VWF: variants seen among roughly 807,000 people sequenced by gnomAD.
The protein encoded by VWF is Factor VIII related antigen.
VWF carries 176 observed loss-of-function variants against 308.6 expected under a neutral mutation model. The ratio of observed to expected loss-of-function variants is 0.57; its 90% confidence interval spans 0.50 to 0.65. The LOEUF (loss-of-function observed/expected upper bound fraction) is 0.65. Ranked by LOEUF, VWF falls within the 30% of genes least tolerant of loss-of-function variation. The pLI is 0.00. For missense variants in VWF, 3,146 were observed against 3,648.2 expected, an observed-to-expected ratio of 0.86 and a Z score of 3.55; for synonymous variants, 1,385 against 1,443.4, an observed-to-expected ratio of 0.96 and a Z score of 0.92.
intron 34 of VWF, among the ~76,000 whole-genome samples, chr12:6,003,436 C>T (rs555177248): frequency 6.6e-6 from 1 of 151,974 alleles, no homozygotes; most frequent in East Asian, 1.9e-4. Context: ...TAAATGTAAT[C>T]CCCATGGTAA....
At chr12:5,991,187 AC>A (rs1943737795) in intron 38 of VWF, among the ~76,000 whole-genome samples, 1 of 135,704 alleles carries the variant, frequency 7.4e-6, no homozygotes, top group Non-Finnish European at 1.6e-5. Flanking sequence ...ACACACACAC[AC>A]ACACACACAC....
intron 38 of VWF, among the ~76,000 whole-genome samples, chr12:5,990,884 A>T (rs1943733012): frequency 1.1e-5 from 1 of 89,736 alleles, no homozygotes; most frequent in South Asian, 5.4e-4. Context: ...AAAAAAAAAA[A>T]AAAAAAAAAA....
At chr12:5,985,751 C>A in intron 38 of VWF, 86 bp from the exon 39 acceptor site, 2 of 1,257,566 alleles carry the variant, frequency 1.6e-6, no homozygotes, top group Non-Finnish European at 2.3e-6. Flanking sequence ...TCCCTGCCTC[C>A]GGCAAGGGCC....
At chr12:6,114,141 AC>A (rs975636505) in intron 3 of VWF, among the ~76,000 whole-genome samples, 4 of 152,044 alleles carry the variant, frequency 2.6e-5, no homozygotes, top group African/African-American at 9.7e-5. Context: ...TGGGAAAGGA[AC>A]CCCCGTGAGC....
At position 6,029,334 on chromosome 12, in the gene VWF, C is replaced by T. The variant is rs775137581; in HGVS notation, c.2967+8G>A. On this transcript the variant is annotated splice_region_variant and intron_variant, in intron 22 of 51. Transcript: ENST00000261405. ...TCCCCAACAAGATGAAGCAAGAAAG[C>T]CACTGACCTGGTATGTCTGCTTCAG... 1.2e-6 allele frequency: 2 copies of T among 1,614,008 alleles called. No homozygotes were observed. The highest frequency in any genetic ancestry group is 3.3e-5 in the Admixed American group (2 of 60,008).
chr12:6,093,594 C>T (rs1945073937), intron 6 of VWF, among the ~76,000 whole-genome samples: 1 of 152,212 alleles, frequency 6.6e-6, no homozygotes, highest in Non-Finnish European at 1.5e-5. Context: ...GAACCTTGCT[C>T]CTCAGATGAT....
chr12:5,980,764 T>C (rs1281512624), intron 42 of VWF, among the ~76,000 whole-genome samples: 1 of 152,098 alleles, frequency 6.6e-6, no homozygotes, highest in Non-Finnish European at 1.5e-5. Flanking sequence ...AAAGATCTGT[T>C]CCAGCCCTAA....
intron 47 of VWF, 84 bp downstream of exon 47, chr12:5,967,402 A>G: frequency 1.9e-6 from 2 of 1,056,628 alleles, no homozygotes; most frequent in South Asian, 2.5e-5. Context: ...AGATTTATTT[A>G]TTTAAAGACC....
chr12:6,119,354 C>G (rs1458551786), intron 3 of VWF, among the ~76,000 whole-genome samples: 2 of 152,248 alleles, frequency 1.3e-5, no homozygotes, highest in African/African-American at 4.8e-5. Context: ...TGTCACAGCT[C>G]TCCGGGTGGT....
rs779449782 is a variant in VWF, at chr12:6,057,915, G to C, written c.1663C>G (p.Leu555Val). The C allele has an allele frequency of 6.2e-7, 1 of 1,613,528 alleles. No homozygotes were observed. The highest frequency in any genetic ancestry group is 2.2e-5 in the East Asian group (1 of 44,866). Residue 555 changes from leucine (L) to valine (V), a missense_variant, in exon 14 of 52, where the codon CTG becomes GTG. This residue lies in a region of VWF where 1,304 missense variants were observed against 1,353.0 expected (regional missense o/e 0.96). Transcript: ENST00000261405. ...TGCAGGTCCTGGCAGTCCCCGTGCA[G>C]CTTCCAGGCGTTCCCGAAGTCCTCC... The part of the protein sequence containing the change: ...RVEDFGNAWK[L>V]HGDCQDLQKQ...
At chr12:6,039,559 C>G (rs939734647) in intron 18 of VWF, among the ~76,000 whole-genome samples, 1 of 152,182 alleles carries the variant, frequency 6.6e-6, no homozygotes, top group Admixed American at 6.5e-5. Context: ...GATGACTCCT[C>G]CTATGAAGAC....
In VWF at chr12:6,029,366, G is replaced by A. The variant is rs369031938; in HGVS notation, c.2943C>T (p.Ser981=). 247 of 1,614,112 alleles carry A rather than the reference G, an allele frequency of 1.5e-4. No homozygotes were observed. The Middle Eastern group carries it at 2.5e-3, about 16-fold the overall frequency. The change falls in exon 22 of 52, where the codon TCC becomes TCT. Residue 981 remains serine, a synonymous_variant. Coordinates refer to ENST00000261405, the MANE Select transcript of VWF (RefSeq NM_000552.5). ...CCTGGTATGTCTGCTTCAGGACCAC[G>A]GAGATGCTCAGGTGGCGGTCCCAGA... ...SVVWDRHLSI[S]VVLKQTYQEK...
intron 48 of VWF, 108 bp downstream of exon 48, chr12:5,953,385 AAAG>A (rs1943215943): frequency 5.1e-6 from 4 of 776,734 alleles, no homozygotes; most frequent in Admixed American, 2.2e-5. Context: ...AGAAATAGAA[AAAG>A]AAGCCAATAC....
chr12:6,015,633 A>T (rs1944047257), intron 31 of VWF, among the ~76,000 whole-genome samples: 1 of 152,002 alleles, frequency 6.6e-6, no homozygotes, highest in South Asian at 2.1e-4. Context: ...TTCCTACAGC[A>T]TGATCCTTTG....
intron 5 of VWF, 137 bp downstream of exon 5, chr12:6,110,237 T>C (rs1004032010): frequency 7.5e-6 from 7 of 937,600 alleles, no homozygotes; most frequent in Non-Finnish European, 1.2e-5. Flanking sequence ...TGCAAAGAGA[T>C]AAGGTTGGCA....
chr12:6,043,364 A>C (rs1169059049), intron 18 of VWF, among the ~76,000 whole-genome samples: 1 of 152,148 alleles, frequency 6.6e-6, no homozygotes, highest in Non-Finnish European at 1.5e-5. Flanking sequence ...ACTTCCCCTC[A>C]AGCAGAGTCC....
chr12:6,083,719 C>T (rs1012469442), intron 6 of VWF, among the ~76,000 whole-genome samples: 4 of 152,306 alleles, frequency 2.6e-5, no homozygotes, highest in Middle Eastern at 3.4e-3. Flanking sequence ...TTCCCACCCC[C>T]ACGGGGCACA....
chr12:6,039,701 T>C, intron 18 of VWF, among the ~76,000 whole-genome samples: 1 of 152,138 alleles, frequency 6.6e-6, no homozygotes, highest in Non-Finnish European at 1.5e-5. Context: ...CAGGCCCTTC[T>C]TTGGATCTTT....
intron 44 of VWF, among the ~76,000 whole-genome samples, chr12:5,971,097 G>A (rs527340421): frequency 3.3e-4 from 50 of 152,326 alleles, no homozygotes; most frequent in African/African-American, 1.2e-3. Context: ...GGGCTGGCAA[G>A]ATGCCCCAGC....
Sources: gnomAD v4.1 joint callset for allele counts (sites outside exome capture counted in the v4.1 genomes callset) on GRCh38, gnomAD v4.1.1 for gene constraint, gnomAD v4.1.1 regional missense constraint, MANE v1.5 for transcripts, NCBI Gene and HGNC (gene_info 2026-07-23, HGNC 2026-07-21) for gene names.